Variants in TEX26 observed in about 807,000 individuals in gnomAD.
TEX26 encodes the protein testis-expressed protein 26.
Under a neutral mutation model 35.3 loss-of-function variants are expected in TEX26, and 34 were observed. The observed-to-expected ratio is 0.96, with a 90% CI of 0.73 to 1.28. The LOEUF (loss-of-function observed/expected upper bound fraction) is 1.28. TEX26 is among the 50% of genes most tolerant of loss of function. The probability of loss-of-function intolerance (pLI) is 0.00; values close to 1 mark genes in which losing one functional copy is unlikely to be tolerated. For synonymous variants in TEX26, 136 were observed against 111.8 expected, an observed-to-expected ratio of 1.22 and a Z score of -1.36; for missense variants, 371 against 330.1, an observed-to-expected ratio of 1.12 and a Z score of -0.96.
chr13:30,942,503 A>G (rs148119090), intron 2 of TEX26, among the ~76,000 whole-genome samples: 1 of 152,086 alleles, frequency 6.6e-6, no homozygotes, highest in East Asian at 1.9e-4. Context: ...TTGCTGTATA[A>G]AAGCATTTTA....
At chr13:30,946,605 T>A (rs561247560) in intron 2 of TEX26, among the ~76,000 whole-genome samples, 1 of 152,006 alleles carries the variant, frequency 6.6e-6, no homozygotes, top group Non-Finnish European at 1.5e-5. Flanking sequence ...TATTTTTTAT[T>A]TGATTTTTTA....
intron 2 of TEX26, among the ~76,000 whole-genome samples, chr13:30,945,713 T>TA (rs545366683): frequency 3.3e-5 from 5 of 151,966 alleles, no homozygotes; most frequent in Admixed American, 6.6e-5. Context: ...TTTTTCTGGA[T>TA]AAAAAATTCT....
At chr13:30,967,336 C>T (rs1954573238) in intron 5 of TEX26, among the ~76,000 whole-genome samples, 1 of 152,128 alleles carries the variant, frequency 6.6e-6, no homozygotes, top group African/African-American at 2.4e-5. Flanking sequence ...GTGACTCTTC[C>T]TGACTCCATC....
At chr13:30,947,846 G>C (rs182709816) in intron 2 of TEX26, among the ~76,000 whole-genome samples, 3 of 151,742 alleles carry the variant, frequency 2.0e-5, no homozygotes, top group Non-Finnish European at 4.4e-5. Context: ...CCATTAACTC[G>C]TCATTTAGCA....
In TEX26 at chr13:30,974,800, ATACT is replaced by A. The variant is rs374562023; in HGVS notation, c.809-42_809-39del. Reference sequence around the variant, plus strand: ...TAGAATTTCCCAATTTATCATTTAAATACTTACGTGAAAATTTTCATCCTGTTTT... The same window carrying A: ...TAGAATTTCCCAATTTATCATTTAAATACGTGAAAATTTTCATCCTGTTTT... On this transcript the variant is annotated intron_variant, in intron 6 of 6. Transcript: ENST00000380473. 3,864 of 1,493,500 alleles carry A rather than the reference ATACT, an allele frequency of 2.6e-3. 121 individuals carry two copies. The South Asian group carries it at 0.048, about 19-fold the overall frequency. The allele number at this position is 1,493,500 out of a possible 1,614,324, so 92.5% of individuals were successfully genotyped here.
intron 1 of TEX26, chr13:30,936,892 G>T (rs1953293308): frequency 1.0e-6 from 1 of 985,290 alleles, no homozygotes; most frequent in African/African-American, 1.7e-5. Context: ...TGTGATTACA[G>T]ATTTCTCAAT....
chr13:30,957,127 T>C, intron 4 of TEX26, 98 bp downstream of exon 4: 1 of 1,292,716 alleles, frequency 7.7e-7, no homozygotes, highest in Middle Eastern at 2.2e-4. Context: ...TTCAAGGAAC[T>C]TGAAGTCTAG....
At position 30,956,655 on chromosome 13, in the gene TEX26, T is replaced by G. The variant is rs1049395807; in HGVS notation, c.313-218T>G. On this transcript the variant is annotated intron_variant, in intron 3 of 6. Coordinates refer to ENST00000380473, the MANE Select transcript of TEX26 (RefSeq NM_152325.3). ...CTCTTTGAAGTTTTCAATCTCATTTTCTCATTTTCAATGTGAAAAGTCAAA... is the reference window on the plus strand; with the variant it reads ...CTCTTTGAAGTTTTCAATCTCATTTGCTCATTTTCAATGTGAAAAGTCAAA... Among the ~76,000 whole-genome samples the G allele has an allele frequency of 4.6e-5, 7 of 152,352 alleles. No individual in the cohort carries two copies. In the East Asian group the frequency reaches 7.7e-4, roughly 17 times the overall value.
At position 30,938,505 on chromosome 13, in the gene TEX26, C is replaced by A. The variant is rs149108898; in HGVS notation, c.62-1189C>A. On this transcript the variant is annotated intron_variant, in intron 1 of 6. Transcript: ENST00000380473. The stretch of plus-strand genomic sequence containing the variant: ...TGGTGATAGGGCAAGAATGTGCTAG[C>A]CCAGGTCTCTCATCCTCTTTTTATA... Among the ~76,000 whole-genome samples, 1,128 of 152,198 alleles carry A rather than the reference C, an allele frequency of 7.4e-3. 18 individuals are homozygous for A. Among genetic ancestry groups the A allele is most frequent in the African/African-American group, 0.026 (1,080 of 41,512 alleles).
intron 3 of TEX26, among the ~76,000 whole-genome samples, chr13:30,955,509 T>A (rs959513000): frequency 6.6e-6 from 1 of 152,180 alleles, no homozygotes; most frequent in Non-Finnish European, 1.5e-5. Context: ...AAGAGAGAAC[T>A]TGAAAATTAA....
At chr13:30,940,322 C>CTTTTTTTTTTTTTTTTTTTT (rs869246492) in intron 2 of TEX26, among the ~76,000 whole-genome samples, 1 of 52,076 alleles carries the variant, frequency 1.9e-5, no homozygotes, top group East Asian at 6.6e-4. Context: ...CATCAGCTGC[C>CTTTTTTTTTTTTTTTTTTTT]TTTTTTTTTT....
chr13:30,970,082 G>A (rs1045585193), intron 6 of TEX26, among the ~76,000 whole-genome samples: 4 of 151,748 alleles, frequency 2.6e-5, no homozygotes, highest in South Asian at 2.1e-4. Context: ...TGAAATCCTC[G>A]CTGAAACCCT....
At chr13:30,959,034 G>C (rs970510186) in intron 4 of TEX26, among the ~76,000 whole-genome samples, 2 of 152,154 alleles carry the variant, frequency 1.3e-5, no homozygotes, top group African/African-American at 2.4e-5. Flanking sequence ...GCTCAGGACT[G>C]GTGGTGTCTA....
intron 2 of TEX26, among the ~76,000 whole-genome samples, chr13:30,944,646 A>T (rs889966091): frequency 6.6e-6 from 1 of 151,862 alleles, no homozygotes; most frequent in Non-Finnish European, 1.5e-5. Flanking sequence ...TTGTGTTACT[A>T]TTATCATTTA....
At position 30,932,834 on chromosome 13, in the gene TEX26, G is replaced by T. The variant is rs1260567142; in HGVS notation, c.61+58G>T. The T allele has an allele frequency of 4.4e-6, 7 of 1,578,346 alleles. No individual in the cohort carries two copies. The African/African-American group carries it at 5.4e-5, about 12-fold the overall frequency. On this transcript the variant is annotated intron_variant, in intron 1 of 6. Coordinates refer to ENST00000380473, the MANE Select transcript of TEX26 (RefSeq NM_152325.3). ...GGGGCTGGGGTCTTTCCCGGGGAAAGGGTCCTGTTGAGAAAAAGGGGCCTT... is the reference window on the plus strand; with the variant it reads ...GGGGCTGGGGTCTTTCCCGGGGAAATGGTCCTGTTGAGAAAAAGGGGCCTT...
chr13:30,941,164 G>C (rs61580577), intron 2 of TEX26, among the ~76,000 whole-genome samples: 1 of 151,942 alleles, frequency 6.6e-6, no homozygotes, highest in Non-Finnish European at 1.5e-5. Context: ...CTGTTCTGAG[G>C]ACACAAAGCA....
intron 1 of TEX26, among the ~76,000 whole-genome samples, chr13:30,934,117 A>G (rs1330193071): frequency 1.3e-5 from 2 of 152,220 alleles, no homozygotes; most frequent in African/African-American, 4.8e-5. Context: ...TTGAGAGTTC[A>G]GTTAAGAGGG....
chr13:30,965,829 A>G (rs1954506868), intron 4 of TEX26, among the ~76,000 whole-genome samples: 1 of 152,148 alleles, frequency 6.6e-6, no homozygotes. Context: ...AAATTTGAAT[A>G]ATGATATGCA....
rs371109362 is a variant in TEX26, at chr13:30,966,204, A to T, written c.470-18A>T. 1.7e-5 allele frequency: 28 copies of T among 1,613,564 alleles called. No homozygotes were observed. The highest frequency in any genetic ancestry group is 8.3e-5 in the Admixed American group (5 of 59,986). On this transcript the variant is annotated intron_variant, in intron 4 of 6. Coordinates refer to ENST00000380473, the MANE Select transcript of TEX26 (RefSeq NM_152325.3). ...TCACAAGGAGTAAGTATTGCCTTCC[A>T]TTTCCATTCCACCCCAGCTCAGAAG... is the stretch of plus-strand genomic sequence containing the variant.
Sources: gnomAD v4.1 joint callset for allele counts (sites outside exome capture counted in the v4.1 genomes callset) on GRCh38, gnomAD v4.1.1 for gene constraint, MANE v1.5 for transcripts, NCBI Gene and HGNC (gene_info 2026-07-23, HGNC 2026-07-21) for gene names.